The following GNAI1 variants were observed in gnomAD, a reference collection of about 807,000 sequenced individuals.
GNAI1 encodes G protein subunit alpha i1.
GNAI1 carries 11 observed loss-of-function variants against 38.9 expected under a neutral mutation model. The ratio of observed to expected loss-of-function variants is 0.28; its 90% confidence interval spans 0.18 to 0.47. The LOEUF (loss-of-function observed/expected upper bound fraction) is 0.47, where lower values mean the gene tolerates loss of function less well. GNAI1 is among the 20% of genes least tolerant of loss of function. The pLI is 0.99. For missense variants in GNAI1, 317 were observed against 436.9 expected (o/e 0.73, Z 2.45); for synonymous variants, 166 against 145.1 (o/e 1.14, Z -1.04).
intron 1 of GNAI1, among the ~76,000 whole-genome samples, chr7:80,158,081 A>G (rs1787850913): frequency 6.6e-6 from 1 of 152,104 alleles, no homozygotes; most frequent in African/African-American, 2.4e-5. Flanking sequence ...TTTTTAGCCC[A>G]TTTTTAAACT....
Position 80,203,841 on chromosome 7 carries a change from C to T in GNAI1, c.590+9C>T, listed in dbSNP as rs1788728954. 2 of 1,464,176 alleles carry T rather than the reference C, an allele frequency of 1.4e-6. No individual in the cohort carries two copies. Among genetic ancestry groups the T allele is most frequent in the Non-Finnish European group, 1.9e-6 (2 of 1,061,636 alleles). The allele number at this position is 1,464,176 out of a possible 1,614,324, so 90.7% of individuals were successfully genotyped here. ...AAAGATCTTCATTTTAAGTGAGTAG[C>T]TTTGAAATATATGATTTCTAAATTT... On this transcript the variant is annotated intron_variant, in intron 5 of 7. Coordinates refer to ENST00000649796, the MANE Select transcript of GNAI1 (RefSeq NM_002069.6).
intron 1 of GNAI1, among the ~76,000 whole-genome samples, chr7:80,146,678 T>C (rs1174953096): frequency 2.0e-5 from 3 of 152,180 alleles, no homozygotes; most frequent in Non-Finnish European, 4.4e-5. Flanking sequence ...GTGCTTGTAT[T>C]GCTGAGCCAC....
intron 1 of GNAI1, among the ~76,000 whole-genome samples, chr7:80,181,516 C>T (rs901544255): frequency 2.0e-5 from 3 of 152,160 alleles, no homozygotes; most frequent in Non-Finnish European, 4.4e-5. Context: ...CCTTCCTCAT[C>T]GAGTGGGTGT....
chr7:80,199,186 T>C, intron 3 of GNAI1, 39 bp from the exon 4 acceptor site: 1 of 1,467,428 alleles, frequency 6.8e-7, no homozygotes, highest in Non-Finnish European at 9.3e-7. Context: ...ATCTCTGACG[T>C]ATCCCTTTTT....
intron 6 of GNAI1, among the ~76,000 whole-genome samples, chr7:80,211,670 C>T (rs10278243): frequency 0.092 from 13,950 of 152,142 alleles, 815 homozygotes; most frequent in South Asian, 0.2. Flanking sequence ...CCACCCATCT[C>T]GGCCTCCCAA....
chr7:80,195,649 G>A (rs571888745), intron 3 of GNAI1, among the ~76,000 whole-genome samples: 5 of 152,024 alleles, frequency 3.3e-5, no homozygotes, highest in Admixed American at 6.6e-5. Flanking sequence ...AGCCCTTCAT[G>A]CTAAAAACTC....
At chr7:80,156,388 G>A (rs1437349727) in intron 1 of GNAI1, among the ~76,000 whole-genome samples, 2 of 151,806 alleles carry the variant, frequency 1.3e-5, no homozygotes, top group Non-Finnish European at 2.9e-5. Flanking sequence ...TGTATGTTAT[G>A]TTGTGTTATG....
intron 1 of GNAI1, among the ~76,000 whole-genome samples, chr7:80,159,903 A>G (rs1562827229): frequency 1.2e-5 from 1 of 80,204 alleles, no homozygotes; most frequent in Non-Finnish European, 2.4e-5. Flanking sequence ...AGGATTAGAG[A>G]TATATGTTAA....
intron 1 of GNAI1, among the ~76,000 whole-genome samples, chr7:80,149,430 A>G (rs1787686648): frequency 1.3e-5 from 2 of 152,010 alleles, no homozygotes; most frequent in African/African-American, 2.4e-5. Flanking sequence ...CACCCCCTAA[A>G]TGGTCCAGTT....
Position 80,188,297 on chromosome 7 carries a change from G to C in GNAI1, c.119-654G>C, listed in dbSNP as rs113268995. Among the ~76,000 whole-genome samples the C allele has an allele frequency of 3.2e-3, 492 of 152,246 alleles. 1 individual carries two copies. The highest frequency in any genetic ancestry group is 0.011 in the African/African-American group (464 of 41,554). The stretch of plus-strand genomic sequence containing the variant: ...AGGTTAAAATTAAGATAATTGGTCA[G>C]GCAGTTAAAACATCTTCCAATGGAG... On this transcript the variant is annotated intron_variant, in intron 1 of 7. Transcript: ENST00000649796.
At chr7:80,179,963 C>G (rs1438740360) in intron 1 of GNAI1, among the ~76,000 whole-genome samples, 1 of 152,160 alleles carries the variant, frequency 6.6e-6, no homozygotes, top group Non-Finnish European at 1.5e-5. Flanking sequence ...GAGACATTAT[C>G]TGTATCTTCT....
intron 1 of GNAI1, among the ~76,000 whole-genome samples, chr7:80,148,995 G>C (rs1440039622): frequency 6.6e-6 from 1 of 151,902 alleles, no homozygotes; most frequent in East Asian, 1.9e-4. Flanking sequence ...AAAAAATATA[G>C]GAATTGCTTT....
chr7:80,165,210 A>G (rs889735118), intron 1 of GNAI1, among the ~76,000 whole-genome samples: 2 of 152,158 alleles, frequency 1.3e-5, no homozygotes, highest in Admixed American at 1.3e-4. Context: ...TTAAATCTCT[A>G]AAAATAACAT....
intron 5 of GNAI1, among the ~76,000 whole-genome samples, chr7:80,205,490 GA>G (rs1788757816): frequency 6.6e-6 from 1 of 151,986 alleles, no homozygotes; most frequent in Non-Finnish European, 1.5e-5. Flanking sequence ...AGGTGTTTAT[GA>G]TCTGTTTTTT....
At chr7:80,157,071 A>G (rs1278392299) in intron 1 of GNAI1, among the ~76,000 whole-genome samples, 1 of 152,248 alleles carries the variant, frequency 6.6e-6, no homozygotes, top group Non-Finnish European at 1.5e-5. Context: ...AATCACACGG[A>G]GTAGTTTTAC....
At chr7:80,159,053 A>G (rs560250279) in intron 1 of GNAI1, among the ~76,000 whole-genome samples, 29 of 152,292 alleles carry the variant, frequency 1.9e-4, no homozygotes, top group Middle Eastern at 3.4e-3. Flanking sequence ...TGCTGTGTCT[A>G]TCTTGTGGCC....
chr7:80,146,300 C>T (rs1787622073), intron 1 of GNAI1, among the ~76,000 whole-genome samples: 1 of 152,152 alleles, frequency 6.6e-6, no homozygotes, highest in South Asian at 2.1e-4. Context: ...CATGGGATGC[C>T]TGGGAAAGTA....
chr7:80,178,127 G>C (rs951559923), intron 1 of GNAI1, among the ~76,000 whole-genome samples: 1 of 152,148 alleles, frequency 6.6e-6, no homozygotes, highest in Non-Finnish European at 1.5e-5. Flanking sequence ...AATAACAAGA[G>C]AACTAGAATT....
rs774306458 is a variant in GNAI1 at position 80,222,243 on chromosome 7, C to T, written c.*4750C>T. ...TAGGCCTCAACTGGAATAGTCCCAC[C>T]ATGTAATAAATCTTCCTGAGTATTG... On this transcript the variant is annotated 3_prime_UTR_variant, in exon 8 of 8. Transcript: ENST00000649796. 9.1e-4 allele frequency among the ~76,000 whole-genome samples: 139 copies of T among 152,186 alleles called. 1 individual carries two copies. The highest frequency in any genetic ancestry group is 5.0e-4 in the Non-Finnish European group (34 of 67,998).
Sources: allele counts gnomAD v4.1 joint callset (sites outside exome capture counted in the v4.1 genomes callset), GRCh38; gene constraint gnomAD v4.1.1; transcripts MANE v1.5; gene names NCBI Gene and HGNC (gene_info 2026-07-23, HGNC 2026-07-21).